The following MAGI2 variants were observed in gnomAD, a reference collection of about 807,000 sequenced individuals.
MAGI2 encodes the protein membrane associated guanylate kinase, WW and PDZ domain containing 2.
A neutral mutation model predicts 133.3 loss-of-function variants in MAGI2; 35 were observed. That is an observed-to-expected ratio of 0.26 (90% CI 0.20 to 0.35). The LOEUF (loss-of-function observed/expected upper bound fraction) is 0.35. MAGI2 is among the 10% of genes least tolerant of loss of function. The pLI is 1.00. For synonymous variants in MAGI2, 729 were observed against 710.6 expected, an observed-to-expected ratio of 1.03 and a Z score of -0.41; for missense variants, 1,636 against 1,863.4, an observed-to-expected ratio of 0.88 and a Z score of 2.25.
At chr7:79,389,264 G>A (rs944050266) in intron 1 of MAGI2, among the ~76,000 whole-genome samples, 2 of 151,914 alleles carry the variant, frequency 1.3e-5, no homozygotes, top group East Asian at 1.9e-4. Flanking sequence ...TTTCATAAAC[G>A]CTATGGTCAG....
At chr7:78,594,656 C>T (rs529018904) in intron 3 of MAGI2, among the ~76,000 whole-genome samples, 19 of 152,046 alleles carry the variant, frequency 1.2e-4, no homozygotes, top group Admixed American at 2.6e-4. Context: ...CGGGGTTTCA[C>T]CATGTTGGCC....
intron 1 of MAGI2, among the ~76,000 whole-genome samples, chr7:79,341,189 A>G (rs1840875475): frequency 6.6e-6 from 1 of 152,162 alleles, no homozygotes; most frequent in African/African-American, 2.4e-5. Flanking sequence ...AAATTACTTT[A>G]ATTTTTGTAT....
At chr7:79,109,849 C>T (rs891846534) in intron 1 of MAGI2, among the ~76,000 whole-genome samples, 1 of 150,558 alleles carries the variant, frequency 6.6e-6, no homozygotes, top group Non-Finnish European at 1.5e-5. Context: ...GTGGAGGCCA[C>T]CAAGCCTTCT....
intron 1 of MAGI2, among the ~76,000 whole-genome samples, chr7:79,075,697 G>A (rs757801818): frequency 6.6e-5 from 10 of 152,106 alleles, no homozygotes; most frequent in Non-Finnish European, 1.0e-4. Context: ...CCAGGAAGTG[G>A]AGGTTGCAGT....
At chr7:79,194,476 T>A (rs1485393513) in intron 1 of MAGI2, among the ~76,000 whole-genome samples, 1 of 151,936 alleles carries the variant, frequency 6.6e-6, no homozygotes, top group Non-Finnish European at 1.5e-5. Context: ...TTTTAAAAGA[T>A]AAAGAGCTAA....
intron 12 of MAGI2, among the ~76,000 whole-genome samples, chr7:78,190,153 C>A (rs1014519696): frequency 6.6e-6 from 1 of 152,094 alleles, no homozygotes; most frequent in Non-Finnish European, 1.5e-5. Flanking sequence ...ATGTGGGAAA[C>A]CTTACTACCT....
rs548116072 is a variant in MAGI2 at position 78,855,053 on chromosome 7, C to T, written c.418+152037G>A. 1.4e-4 allele frequency among the ~76,000 whole-genome samples: 22 copies of T among 151,924 alleles called. No individual in the cohort carries two copies. The South Asian group carries it at 2.3e-3, about 16-fold the overall frequency. ...TTTTTTTTTTGTAGAGATGCGGTTTCGCCATGTTGCCAGGCTGAATTACTT... is the reference window on the plus strand; with the variant it reads ...TTTTTTTTTTGTAGAGATGCGGTTTTGCCATGTTGCCAGGCTGAATTACTT... On this transcript the variant is annotated intron_variant, in intron 2 of 21. Transcript: ENST00000354212.
At chr7:78,049,883 T>C (rs1811836933) in intron 21 of MAGI2, among the ~76,000 whole-genome samples, 1 of 152,206 alleles carries the variant, frequency 6.6e-6, no homozygotes, top group African/African-American at 2.4e-5. Flanking sequence ...GTTTTCAGGG[T>C]CTCACTGAAC....
chr7:79,327,185 T>C (rs570110540), intron 1 of MAGI2, among the ~76,000 whole-genome samples: 9 of 152,230 alleles, frequency 5.9e-5, no homozygotes, highest in South Asian at 2.1e-4. Context: ...TGTAAGAGTA[T>C]GCACGTCAAA....
chr7:78,470,664 A>G (rs1402214797), intron 6 of MAGI2, among the ~76,000 whole-genome samples: 1 of 152,176 alleles, frequency 6.6e-6, no homozygotes, highest in Non-Finnish European at 1.5e-5. Flanking sequence ...ACATGGGCTT[A>G]TAAAGTAATT....
intron 21 of MAGI2, chr7:78,078,694 A>G (rs1336759545): frequency 1.5e-5 from 9 of 582,794 alleles, no homozygotes; most frequent in Non-Finnish European, 2.4e-5. Context: ...GAAAGGTCCT[A>G]CATTTCATAT....
At chr7:78,125,585 G>T (rs1820899147) in intron 20 of MAGI2, 109 bp downstream of exon 20, 1 of 1,147,526 alleles carries the variant, frequency 8.7e-7, no homozygotes, top group Middle Eastern at 2.1e-4. Flanking sequence ...CTAGAAAGAG[G>T]GCAAACCTAC....
At chr7:78,422,726 T>G (rs1158168574) in intron 6 of MAGI2, among the ~76,000 whole-genome samples, 1 of 152,202 alleles carries the variant, frequency 6.6e-6, no homozygotes, top group African/African-American at 2.4e-5. Flanking sequence ...AATGTCAGTT[T>G]GACACTAAAT....
chr7:79,401,265 T>A (rs947060155), intron 1 of MAGI2, among the ~76,000 whole-genome samples: 3 of 152,222 alleles, frequency 2.0e-5, no homozygotes, highest in African/African-American at 7.2e-5. Context: ...GGTTAATACC[T>A]ACACAAATCA....
intron 2 of MAGI2, among the ~76,000 whole-genome samples, chr7:78,812,678 G>A (rs1262512732): frequency 6.6e-6 from 1 of 151,776 alleles, no homozygotes; most frequent in Non-Finnish European, 1.5e-5. Context: ...AATACTTGAT[G>A]CTTTCAATAT....
chr7:78,386,857 A>C (rs111425461), intron 6 of MAGI2, among the ~76,000 whole-genome samples: 3 of 152,292 alleles, frequency 2.0e-5, no homozygotes, highest in African/African-American at 7.2e-5. Context: ...GGAATCACAT[A>C]ATTTTGTCTT....
chr7:78,479,427 C>T (rs966105866), intron 6 of MAGI2, among the ~76,000 whole-genome samples: 3 of 151,854 alleles, frequency 2.0e-5, no homozygotes, highest in Non-Finnish European at 4.4e-5. Flanking sequence ...CCTACAGATC[C>T]AGTGTCTAAC....
At chr7:78,058,669 G>A (rs1175712509) in intron 21 of MAGI2, among the ~76,000 whole-genome samples, 1 of 151,968 alleles carries the variant, frequency 6.6e-6, no homozygotes, top group Non-Finnish European at 1.5e-5. Flanking sequence ...GATTACAGGC[G>A]TGAGCTACCA....
intron 9 of MAGI2, among the ~76,000 whole-genome samples, chr7:78,298,501 A>C (rs915148855): frequency 3.3e-5 from 5 of 152,162 alleles, no homozygotes; most frequent in African/African-American, 1.2e-4. Context: ...TTTTTCTATA[A>C]ATCCAAAACT....
Sources: gnomAD v4.1 joint callset for allele counts (sites outside exome capture counted in the v4.1 genomes callset) on GRCh38, gnomAD v4.1.1 for gene constraint, MANE v1.5 for transcripts, NCBI Gene and HGNC (gene_info 2026-07-23, HGNC 2026-07-21) for gene names.